Variants in KRT20 observed in about 807,000 individuals in gnomAD.
KRT20 encodes keratin 20.
In KRT20, 41 loss-of-function variants were observed where a neutral mutation model predicts 43.0. That is an observed-to-expected ratio of 0.95 (90% CI 0.74 to 1.24). The LOEUF is 1.24. Ranked by LOEUF, KRT20 falls within the 50% of genes most tolerant of loss-of-function variation. The pLI is 0.00. For missense variants in KRT20, 533 were observed against 521.2 expected, an observed-to-expected ratio of 1.02 and a Z score of -0.22; for synonymous variants, 207 against 200.6, an observed-to-expected ratio of 1.03 and a Z score of -0.27.
chr17:40,879,221 C>CT (rs768671764), intron 5 of KRT20, among the ~76,000 whole-genome samples: 263 of 152,330 alleles, frequency 1.7e-3, no homozygotes, highest in Non-Finnish European at 3.0e-3. Flanking sequence ...AGTATCATGG[C>CT]TGCAGGCCAC....
In KRT20 at chr17:40,877,417, T is replaced by C; in HGVS notation, c.1140A>G (p.Lys380=). 6.6e-7 allele frequency: 1 copy of C among 1,508,064 alleles called. No homozygotes were observed. The highest frequency in any genetic ancestry group is 8.8e-7 in the Non-Finnish European group (1 of 1,135,230). The allele number at this position is 1,508,064 out of a possible 1,614,324, so 93.4% of individuals were successfully genotyped here. Reference sequence around the variant, plus strand: ...GGGTGCTTAACTGATATTCTGTAGTTCTGTTTTTTTTTTTAATGAAAAGAA... The same window carrying C: ...GGGTGCTTAACTGATATTCTGTAGTCCTGTTTTTTTTTTTAATGAAAAGAA... ...YRRLLEGEDV[K]TTEYQLSTLE... The change falls in exon 7 of 8, where the codon AAA becomes AAG. Residue 380 remains lysine, a splice_region_variant and synonymous_variant. Coordinates refer to ENST00000167588, the MANE Select transcript of KRT20 (RefSeq NM_019010.3).
intron 2 of KRT20, among the ~76,000 whole-genome samples, chr17:40,881,938 T>C (rs140114723): frequency 4.6e-5 from 7 of 151,172 alleles, no homozygotes; most frequent in African/African-American, 1.7e-4. Flanking sequence ...AATGGCACGA[T>C]CTCAGCTCAC....
rs745378682 is a variant in KRT20, at chr17:40,878,384, T to C, written c.919-19A>G. 9 of 1,577,110 alleles carry C rather than the reference T, an allele frequency of 5.7e-6. No individual in the cohort carries two copies. Among genetic ancestry groups the C allele is most frequent in the South Asian group, 1.1e-5 (1 of 90,056 alleles). ...ACTCTTTCTATGAGCACAAGAAAAATAGGGCACTTCTTATGTGAGGACTTG... is the reference window on the plus strand; with the variant it reads ...ACTCTTTCTATGAGCACAAGAAAAACAGGGCACTTCTTATGTGAGGACTTG... On this transcript the variant is annotated intron_variant, in intron 5 of 7. Coordinates refer to ENST00000167588, the MANE Select transcript of KRT20 (RefSeq NM_019010.3).
At chr17:40,879,752 C>G in intron 5 of KRT20, 61 bp downstream of exon 5, 1 of 1,593,112 alleles carries the variant, frequency 6.3e-7, no homozygotes, top group Admixed American at 1.7e-5. Context: ...TCTATAGTTC[C>G]TAACAGAGGA....
chr17:40,877,463 G>A (rs2143295432), intron 6 of KRT20, 46 bp from the exon 7 acceptor site: 1 of 1,247,586 alleles, frequency 8.0e-7, no homozygotes, highest in Non-Finnish European at 1.1e-6. Flanking sequence ...ACAGAAAAAA[G>A]CATTATTGCT....
At chr17:40,877,248 T>A in intron 7 of KRT20, 132 bp downstream of exon 7, 1 of 662,014 alleles carries the variant, frequency 1.5e-6, no homozygotes, top group East Asian at 3.1e-5. Flanking sequence ...TTGTAAATTA[T>A]CCAGTCTCAG....
chr17:40,877,341 C>A, intron 7 of KRT20, 39 bp downstream of exon 7: 1 of 1,454,918 alleles, frequency 6.9e-7, no homozygotes, highest in Non-Finnish European at 9.3e-7. Flanking sequence ...TAGAAAGCAG[C>A]TGAATGTCAT....
chr17:40,877,171 A>G (rs1907386377), intron 7 of KRT20, among the ~76,000 whole-genome samples: 1 of 152,194 alleles, frequency 6.6e-6, no homozygotes, highest in Admixed American at 6.5e-5. Context: ...GGCCCTTACA[A>G]GATGCCGGCA....
intron 1 of KRT20, among the ~76,000 whole-genome samples, chr17:40,884,588 G>A (rs7210985): frequency 0.037 from 5,636 of 152,232 alleles, 372 homozygotes; most frequent in African/African-American, 0.13. Flanking sequence ...ATGTAATTGT[G>A]TTAAACATTA....
chr17:40,877,237 T>C, intron 7 of KRT20, 143 bp downstream of exon 7: 7 of 636,382 alleles, frequency 1.1e-5, no homozygotes. Context: ...ACGTCTATTG[T>C]TTGTAAATTA....
intron 6 of KRT20, 85 bp downstream of exon 6, chr17:40,878,060 T>C: frequency 1.7e-6 from 2 of 1,144,378 alleles, no homozygotes; most frequent in Non-Finnish European, 2.6e-6. Flanking sequence ...GGGATTGCAT[T>C]GGTGCTGGGT....
intron 1 of KRT20, among the ~76,000 whole-genome samples, chr17:40,884,327 G>C (rs184286561): frequency 6.6e-6 from 1 of 152,102 alleles, no homozygotes; most frequent in Non-Finnish European, 1.5e-5. Flanking sequence ...GAATCACTTT[G>C]CTATTTAAAT....
At chr17:40,881,333 C>T (rs28546947) in intron 2 of KRT20, among the ~76,000 whole-genome samples, 1,824 of 152,106 alleles carry the variant, frequency 0.012, 34 homozygotes, top group African/African-American at 0.042. Flanking sequence ...ACTGCAGCCT[C>T]AACCTTTGGG....
intron 3 of KRT20, 89 bp from the exon 4 acceptor site, chr17:40,880,350 T>C: frequency 2.5e-6 from 3 of 1,221,608 alleles, no homozygotes; most frequent in Non-Finnish European, 3.4e-6. Context: ...TCTCATGACC[T>C]CTTTCATTGG....
At chr17:40,883,054 T>C (rs950622250) in intron 1 of KRT20, among the ~76,000 whole-genome samples, 2 of 152,150 alleles carry the variant, frequency 1.3e-5, no homozygotes, top group African/African-American at 2.4e-5. Flanking sequence ...AGGATTTAGT[T>C]TATCCCCAGC....
Position 40,885,109 on chromosome 17 carries a change from A to C in KRT20, c.77T>G (p.Met26Arg), listed in dbSNP as rs1448677074. 1.9e-6 allele frequency: 3 copies of C among 1,613,796 alleles called. No individual in the cohort carries two copies. Among genetic ancestry groups the C allele is most frequent in the Non-Finnish European group, 2.5e-6 (3 of 1,180,008 alleles). Residue 26 changes from methionine (M) to arginine (R), a missense_variant, in exon 1 of 8, where the codon ATG (methionine) becomes AGG (arginine). Coordinates refer to ENST00000167588, the MANE Select transcript of KRT20 (RefSeq NM_019010.3). ...GCTGGGTGTCGTCCCGAGGCGCTGC[A>C]TGCCCACTGTACTGACTACAGGGGC... ...LQAPVVSTVGMQRLGTTPSVY... is the reference protein window; with the variant it reads ...LQAPVVSTVGRQRLGTTPSVY...
chr17:40,879,964 A>G (rs1907524519), intron 4 of KRT20, 26 bp from the exon 5 acceptor site: 1 of 1,607,036 alleles, frequency 6.2e-7, no homozygotes, highest in Non-Finnish European at 8.5e-7. Flanking sequence ...TGAAAAAAAA[A>G]TAGTTGAGGG....
chr17:40,881,894 A>G (rs116051526), intron 2 of KRT20, among the ~76,000 whole-genome samples: 3,551 of 115,558 alleles, frequency 0.031, 134 homozygotes, highest in African/African-American at 0.12. Context: ...TTTTTTTGAG[A>G]CAAGGTCTCA....
chr17:40,878,318 G>A lies in KRT20; in HGVS notation c.966C>T (p.Ser322=). ...HTLEETKARY[S]SQLANLQSLL... ...GCGACTGGAGGTTGGCTAACTGGCTGCTGTAACGGGCCTTGGTCTCCTCTA... is the reference window on the plus strand; with the variant it reads ...GCGACTGGAGGTTGGCTAACTGGCTACTGTAACGGGCCTTGGTCTCCTCTA... The change falls in exon 6 of 8, where the codon AGC becomes AGT. Residue 322 remains serine, a synonymous_variant. Coordinates refer to ENST00000167588, the MANE Select transcript of KRT20 (RefSeq NM_019010.3). 3.7e-6 allele frequency: 6 copies of A among 1,614,084 alleles called. No individual in the cohort carries two copies. Among genetic ancestry groups the A allele is most frequent in the Non-Finnish European group, 5.1e-6 (6 of 1,179,950 alleles).
Sources: allele counts gnomAD v4.1 joint callset (sites outside exome capture counted in the v4.1 genomes callset), GRCh38; gene constraint gnomAD v4.1.1; transcripts MANE v1.5; gene names NCBI Gene and HGNC (gene_info 2026-07-23, HGNC 2026-07-21).